CP: variants seen among roughly 807,000 people sequenced by gnomAD.
CP encodes the protein caeruloplasmin.
CP carries 64 observed loss-of-function variants against 122.4 expected under a neutral mutation model. The ratio of observed to expected loss-of-function variants is 0.52; its 90% confidence interval spans 0.43 to 0.64. The LOEUF is 0.64. Among genes scored for constraint, CP ranks in the 30% least tolerant of loss-of-function variants. The pLI, the probability that CP is intolerant of heterozygous loss-of-function variation, is 0.00. For synonymous variants in CP, 440 were observed against 436.4 expected (o/e 1.01, Z -0.10); for missense variants, 1,167 against 1,284.4 (o/e 0.91, Z 1.40).
At chr3:149,192,708 A>G (rs1224541631) in intron 9 of CP, among the ~76,000 whole-genome samples, 1 of 151,956 alleles carries the variant, frequency 6.6e-6, no homozygotes, top group African/African-American at 2.4e-5. Context: ...GGCTTAATAT[A>G]TAGATATTTT....
Position 149,173,568 on chromosome 3 carries a change from C to T in CP, c.*146G>A. 1 of 569,222 alleles carries T rather than the reference C, an allele frequency of 1.8e-6. No homozygotes were observed. Among genetic ancestry groups the T allele is most frequent in the Non-Finnish European group, 3.1e-6 (1 of 319,466 alleles). The allele number at this position is 569,222 out of a possible 1,614,324, so 35.3% of individuals were successfully genotyped here. On this transcript the variant is annotated 3_prime_UTR_variant, in exon 19 of 19. Transcript: ENST00000264613. ...ATTTGCAAAAAATTAATAGTTTTCC[C>T]CCACAAATGTACAAAGTTGTATGCT...
In CP at chr3:149,210,284, C is replaced by T; in HGVS notation, c.490G>A (p.Glu164Lys). 1 of 1,614,070 alleles carries T rather than the reference C, an allele frequency of 6.2e-7. No homozygotes were observed. Among genetic ancestry groups the T allele is most frequent in the Non-Finnish European group, 8.5e-7 (1 of 1,179,952 alleles). ...QYTYMLLATE[E>K]QSPGEGDGNC... ...CCATCTCCTTCCCCAGGACTTTGTT[C>T]TTCAGTGGCAAGCAACATGTATGTA... The change falls in exon 3 of 19, where the codon GAA becomes AAA. Residue 164 changes from glutamate (E) to lysine (K), a missense_variant. Physicochemically the swap from Glu to Lys is moderately conservative, Grantham distance 56. Around this residue, in one of 2 missense-constraint regions of CP, gnomAD observed 642 missense variants for 627.3 expected, o/e 1.02. Coordinates refer to ENST00000264613, the MANE Select transcript of CP (RefSeq NM_000096.4).
At chr3:149,219,502 G>C (rs1273272510) in intron 1 of CP, among the ~76,000 whole-genome samples, 1 of 152,180 alleles carries the variant, frequency 6.6e-6, no homozygotes, top group African/African-American at 2.4e-5. Context: ...TTATAAATGA[G>C]AGTTCCCCTG....
At chr3:149,192,493 C>CAA (rs11451281) in intron 9 of CP, among the ~76,000 whole-genome samples, 158 of 143,740 alleles carry the variant, frequency 1.1e-3, no homozygotes, top group East Asian at 7.6e-3. Flanking sequence ...ATACAAAAGG[C>CAA]AAAAAAAAAA....
chr3:149,185,633 T>C (rs1576740962), intron 11 of CP, among the ~76,000 whole-genome samples, 187 bp from the exon 12 acceptor site: 1 of 152,286 alleles, frequency 6.6e-6, no homozygotes, highest in South Asian at 2.1e-4. Flanking sequence ...GTGCCTGCCT[T>C]GGGAACTTTG....
At chr3:149,162,815 C>T (rs765754765) in exon 6 of CP, 2 of 1,613,928 alleles carry the variant, frequency 1.2e-6, no homozygotes, top group East Asian at 2.2e-5. Flanking sequence ...CATCACAGTA[C>T]ATCTGGAGAT....
intron 9 of CP, 139 bp downstream of exon 9, chr3:149,198,228 T>G (rs1367489917): frequency 3.0e-6 from 2 of 660,434 alleles, no homozygotes; most frequent in African/African-American, 3.6e-5. Flanking sequence ...ATTGTGGGCA[T>G]TTTTAAAGAA....
At chr3:149,172,251 C>T (rs909563560), downstream of CP, 3 of 1,592,446 alleles carry the variant, frequency 1.9e-6, no homozygotes, top group African/African-American at 2.7e-5. Context: ...ACCATAATGG[C>T]ATTTGAGACT....
intron 1 of CP, among the ~76,000 whole-genome samples, chr3:149,214,149 G>A (rs1027464033): frequency 2.0e-5 from 3 of 152,190 alleles, no homozygotes; most frequent in African/African-American, 7.2e-5. Context: ...AATCCCAGAA[G>A]CAGTGGGATT....
chr3:149,212,744 G>A, intron 1 of CP, 46 bp from the exon 2 acceptor site: 1 of 1,598,812 alleles, frequency 6.3e-7, no homozygotes, highest in South Asian at 1.1e-5. Context: ...ATCATTTCTA[G>A]GGATGACATT....
chr3:149,210,045 T>C (rs1728002688), intron 3 of CP, 122 bp downstream of exon 3: 7 of 911,408 alleles, frequency 7.7e-6, no homozygotes, highest in South Asian at 1.5e-5. Flanking sequence ...TTTTTTCTAC[T>C]TACCACCTCT....
At chr3:149,179,480 A>G in intron 15 of CP, 76 bp downstream of exon 15, 1 of 1,148,514 alleles carries the variant, frequency 8.7e-7, no homozygotes, top group African/African-American at 1.5e-5. Flanking sequence ...GGACCACAGG[A>G]AAACACTAAC....
downstream of CP, chr3:149,172,355 C>CACACACACACACACACAT (rs1417486263): frequency 1.6e-6 from 1 of 618,030 alleles, no homozygotes; most frequent in African/African-American, 1.9e-5. Flanking sequence ...CACACACACA[C>CACACACACACACACACAT]ATATATGATA....
At chr3:149,199,661 A>T (rs1727164268) in intron 8 of CP, 51 bp downstream of exon 8, 3 of 1,607,096 alleles carry the variant, frequency 1.9e-6, no homozygotes, top group Non-Finnish European at 2.6e-6. Flanking sequence ...AGTGACCAGT[A>T]CAGTGGGTTA....
intron 4 of CP, among the ~76,000 whole-genome samples, chr3:149,166,465 T>C (rs770413304): frequency 9.9e-5 from 15 of 152,188 alleles, no homozygotes; most frequent in Non-Finnish European, 2.1e-4. Flanking sequence ...CATTTACCTA[T>C]GTAGATTTTA....
In CP at chr3:149,179,587, C is replaced by G; in HGVS notation, c.2630G>C (p.Trp877Ser). The stretch of plus-strand genomic sequence containing the variant: ...TTGATCCACAGTTGAATAATAAGCC[C>G]ATGGAATACAAGCAGAATCCTCTGT... ...AGTEDSACIP[W>S]AYYSTVDQVK... The change falls in exon 15 of 19, where the codon TGG (tryptophan) becomes TCG (serine). Residue 877 changes from tryptophan to serine, a missense_variant. Trp to Ser is a radical substitution (Grantham distance 177). This residue lies in a region of CP where 525 missense variants were observed against 657.2 expected (regional missense o/e 0.80). Transcript: ENST00000264613. 2 of 1,613,756 alleles carry G rather than the reference C, an allele frequency of 1.2e-6. No homozygotes were observed. Among genetic ancestry groups the G allele is most frequent in the Non-Finnish European group, 1.7e-6 (2 of 1,179,836 alleles).
intron 14 of CP, chr3:149,179,971 C>A (rs1387571591): frequency 1.5e-5 from 5 of 332,748 alleles, no homozygotes; most frequent in Non-Finnish European, 2.9e-5. Flanking sequence ...ACTTTGCAAC[C>A]AATCTCTTCT....
intron 2 of CP, among the ~76,000 whole-genome samples, chr3:149,211,023 C>T (rs1181903823): frequency 6.6e-6 from 1 of 152,088 alleles, no homozygotes; most frequent in African/African-American, 2.4e-5. Flanking sequence ...AGTTCCATTA[C>T]CATACCTTTA....
chr3:149,177,892 T>A lies in CP; in HGVS notation c.2966A>T (p.Asn989Ile). The change falls in exon 17 of 19, where the codon AAT (asparagine) becomes ATT (isoleucine). Residue 989 changes from asparagine (N) to isoleucine (I), a missense_variant. Asn to Ile is a moderately radical substitution (Grantham distance 149). Around this residue, in one of 2 missense-constraint regions of CP, gnomAD observed 525 missense variants for 657.2 expected, o/e 0.80. Transcript: ENST00000264613. The part of the protein sequence containing the change: ...EVNWYLMGMG[N>I]EIDLHTVHFH... ...ATGTACAGTGTGTAAGTCTATTTCATTGCCCATTCCCATCAGATACCAGTT... is the reference window on the plus strand; with the variant it reads ...ATGTACAGTGTGTAAGTCTATTTCAATGCCCATTCCCATCAGATACCAGTT... The A allele has an allele frequency of 6.2e-7, 1 of 1,613,828 alleles. No homozygotes were observed. The highest frequency in any genetic ancestry group is 8.5e-7 in the Non-Finnish European group (1 of 1,179,720).
Sources: allele counts gnomAD v4.1 joint callset (sites outside exome capture counted in the v4.1 genomes callset), GRCh38; gene constraint gnomAD v4.1.1; regional missense constraint gnomAD v4.1.1; transcripts MANE v1.5; gene names NCBI Gene and HGNC (gene_info 2026-07-23, HGNC 2026-07-21).